Variants in ARHGEF18 observed in about 807,000 individuals in gnomAD.
The protein encoded by ARHGEF18 is Rho/Rac guanine nucleotide exchange factor 18.
ARHGEF18 carries 93 observed loss-of-function variants against 155.7 expected under a neutral mutation model. The observed-to-expected ratio is 0.60, with a 90% confidence interval of 0.50 to 0.71. ARHGEF18 has a LOEUF of 0.71. Ranked by LOEUF, ARHGEF18 falls within the 30% of genes least tolerant of loss-of-function variation. The pLI, the probability that ARHGEF18 is intolerant of heterozygous loss-of-function variation, is 0.00. For missense variants in ARHGEF18, 1,593 were observed against 1,816.1 expected (o/e 0.88, Z 2.23); for synonymous variants, 742 against 753.1 (o/e 0.99, Z 0.24).
At position 7,453,450 on chromosome 19, in the gene ARHGEF18, T is replaced by C. The variant is rs1459036615; in HGVS notation, c.1856-17T>C. ...TAAAGTGGAAAAGAAAGACGCTAAC[T>C]CTGCTATGTGTGGCAGCTGGCACTG... On this transcript the variant is annotated splice_polypyrimidine_tract_variant and intron_variant, in intron 16 of 28. Coordinates refer to ENST00000668164, the MANE Select transcript of ARHGEF18 (RefSeq NM_001367823.1). The C allele has an allele frequency of 5.7e-6, 9 of 1,576,004 alleles. No homozygotes were observed. The highest frequency in any genetic ancestry group is 1.7e-4 in the Middle Eastern group (1 of 5,914).
At position 7,441,728 on chromosome 19, in the gene ARHGEF18, C is replaced by A. The variant is rs886798314; in HGVS notation, c.1182C>A (p.Ser394=). 6.2e-7 allele frequency: 1 copy of A among 1,614,172 alleles called. No homozygotes were observed. The highest frequency in any genetic ancestry group is 1.1e-5 in the South Asian group (1 of 91,084). The change falls in exon 12 of 29, where the codon TCC becomes TCA. Residue 394 remains serine (S), a synonymous_variant. Transcript: ENST00000668164. ...AGCAGACAGCTGATGACTCTCTGTC[C>A]CTTACATCTCCAAACACCGAGTCCA... ...KFKQTADDSL[S]LTSPNTESIF...
chr19:7,478,227 T>G, the ARHGEF18 span: 1 of 1,415,552 alleles, frequency 7.1e-7, no homozygotes, highest in Admixed American at 2.0e-5. Flanking sequence ...GTCCCCAGCA[T>G]GGGCCTGCAC....
Position 7,408,438 on chromosome 19 carries a change from C to G in ARHGEF18, c.967+25235C>G, listed in dbSNP as rs185485864. Among the ~76,000 whole-genome samples, 1,081 of 144,642 alleles carry G rather than the reference C, an allele frequency of 7.5e-3. 15 individuals carry two copies. The highest frequency in any genetic ancestry group is 0.029 in the African/African-American group (985 of 34,362). 94.9% of individuals were successfully genotyped at this position (144,642 alleles called of 152,430 possible). ...TATTTACAAAAACAGGTGGCCAGCC[C>G]ACAGACAGTAGGGGTTCACCAGCCC... On this transcript the variant is annotated intron_variant, in intron 10 of 28. Coordinates refer to ENST00000668164, the MANE Select transcript of ARHGEF18 (RefSeq NM_001367823.1).
At chr19:7,415,397 G>A (rs1972945602) in intron 10 of ARHGEF18, among the ~76,000 whole-genome samples, 2 of 151,494 alleles carry the variant, frequency 1.3e-5, no homozygotes, top group African/African-American at 4.9e-5. Context: ...TCTCCACCCT[G>A]CCCTCGAGGT....
chr19:7,367,728 A>G (rs1258186150), intron 2 of ARHGEF18, among the ~76,000 whole-genome samples: 6 of 135,192 alleles, frequency 4.4e-5, no homozygotes, highest in Non-Finnish European at 9.4e-5. Context: ...CCTAGGCAAC[A>G]AGAGTGAAAC....
intron 3 of ARHGEF18, among the ~76,000 whole-genome samples, chr19:7,374,405 G>A (rs1488470516): frequency 5.3e-5 from 8 of 152,028 alleles, no homozygotes; most frequent in African/African-American, 1.4e-4. Flanking sequence ...GGCCGGGCGC[G>A]GTGGCTCACA....
At chr19:7,407,917 G>A (rs906209117) in intron 10 of ARHGEF18, among the ~76,000 whole-genome samples, 1 of 136,556 alleles carries the variant, frequency 7.3e-6, no homozygotes, top group Admixed American at 8.2e-5. Flanking sequence ...AGCCGAGACC[G>A]CGCCACTGCA....
chr19:7,450,833 C>T (rs796795717), intron 15 of ARHGEF18, among the ~76,000 whole-genome samples: 4 of 1,312 alleles, frequency 3.0e-3, no homozygotes, highest in East Asian at 0.031. Context: ...TCTTGCTGTC[C>T]GTTTCCGAGA....
downstream of ARHGEF18, among the ~76,000 whole-genome samples, chr19:7,476,157 A>T (rs935233741): frequency 2.0e-5 from 3 of 152,236 alleles, no homozygotes; most frequent in Non-Finnish European, 4.4e-5. Context: ...CAAAAAGTTT[A>T]AAAATTAGCT....
rs146962634 is a variant in ARHGEF18 at position 7,443,882 on chromosome 19, C to T, written c.1361-322C>T. The stretch of plus-strand genomic sequence containing the variant: ...TTTTGCCACTGCACTCCAGCCTGGG[C>T]GACAGAGCAAGACTCCATCTCAAAG... On this transcript the variant is annotated intron_variant, in intron 13 of 28. Coordinates refer to ENST00000668164, the MANE Select transcript of ARHGEF18 (RefSeq NM_001367823.1). Among the ~76,000 whole-genome samples, 257 of 149,954 alleles carry T rather than the reference C, an allele frequency of 1.7e-3. 1 individual carries two copies. The highest frequency in any genetic ancestry group is 4.5e-3 in the South Asian group (21 of 4,710).
At chr19:7,392,303 G>A (rs920824358) in intron 10 of ARHGEF18, among the ~76,000 whole-genome samples, 3 of 151,484 alleles carry the variant, frequency 2.0e-5, no homozygotes, top group African/African-American at 4.9e-5. Flanking sequence ...AAAGAAAGAT[G>A]GGAGATGTTT....
Position 7,470,763 on chromosome 19 carries a change from T to TA in ARHGEF18, c.*466dup. ...GCCGCGCGACAGTGGAGCCAAGGGT[T>TA]AGGGCACCAGGAGGGGCCAGGTGGC... On this transcript the variant is annotated 3_prime_UTR_variant, in exon 29 of 29. Coordinates refer to ENST00000668164, the MANE Select transcript of ARHGEF18 (RefSeq NM_001367823.1). The surrounding 1 kb of genome is among the most constrained non-coding windows in gnomAD (Gnocchi z 5.9). 1 of 401,010 alleles carries TA rather than the reference T, an allele frequency of 2.5e-6. No homozygotes were observed. Among genetic ancestry groups the TA allele is most frequent in the Non-Finnish European group, 4.4e-6 (1 of 226,188 alleles). The allele number at this position is 401,010 out of a possible 1,614,324, so 24.8% of individuals were successfully genotyped here.
rs1055445833 is a variant in ARHGEF18, at chr19:7,453,447, A to G, written c.1856-20A>G. On this transcript the variant is annotated intron_variant, in intron 16 of 28. Transcript: ENST00000668164. ...TGTTAAAGTGGAAAAGAAAGACGCTAACTCTGCTATGTGTGGCAGCTGGCA... is the reference window on the plus strand; with the variant it reads ...TGTTAAAGTGGAAAAGAAAGACGCTGACTCTGCTATGTGTGGCAGCTGGCA... 6.4e-6 allele frequency: 10 copies of G among 1,572,412 alleles called. No homozygotes were observed. Among genetic ancestry groups the G allele is most frequent in the Non-Finnish European group, 8.6e-6 (10 of 1,156,636 alleles).
rs979294287 is a variant in ARHGEF18 at position 7,383,157 on chromosome 19, C to T, written c.921C>T (p.Ser307=). 1.8e-5 allele frequency: 22 copies of T among 1,232,156 alleles called. No homozygotes were observed. Among genetic ancestry groups the T allele is most frequent in the Middle Eastern group, 3.1e-4 (1 of 3,232 alleles). The allele number at this position is 1,232,156 out of a possible 1,614,324, so 76.3% of individuals were successfully genotyped here. Residue 307 remains serine, a synonymous_variant, in exon 10 of 29, where the codon TCC becomes TCT. Transcript: ENST00000668164. ...NGHQLLQGTF[S]GPSSCPLCGK... is the part of the protein sequence containing the mutation. ...ACCAGCTGTTGCAAGGGACCTTCTCCGGCCCCTCCAGCTGCCCCCTGTGTG... is the reference window on the plus strand; with the variant it reads ...ACCAGCTGTTGCAAGGGACCTTCTCTGGCCCCTCCAGCTGCCCCCTGTGTG...
chr19:7,459,912 C>A lies in ARHGEF18; in HGVS notation c.2370C>A (p.Asp790Glu). 2.5e-6 allele frequency: 4 copies of A among 1,578,086 alleles called. No homozygotes were observed. The highest frequency in any genetic ancestry group is 1.7e-6 in the Non-Finnish European group (2 of 1,161,874). ...HIQRAVESCPDEEEGPFSLPE... is the reference protein window; with the variant it reads ...HIQRAVESCPEEEEGPFSLPE... The stretch of plus-strand genomic sequence containing the variant: ...ACTCCTCTCCCTGCAGCTGCCCTGA[C>A]GAGGAGGAGGGGCCCTTCAGCCTGC... The change falls in exon 20 of 29, where the codon GAC (aspartate) becomes GAA (glutamate). Residue 790 changes from aspartate to glutamate, a missense_variant. Asp to Glu is a conservative substitution (Grantham distance 45, BLOSUM62 2). Transcript: ENST00000668164.
At chr19:7,439,592 T>TTAAAAA in intron 10 of ARHGEF18, 1 of 816,476 alleles carries the variant, frequency 1.2e-6, no homozygotes. Flanking sequence ...CTGTTGATGT[T>TTAAAAA]GGGTTGGTTT....
intron 1 of ARHGEF18, chr19:7,355,587 G>A (rs58130577): frequency 2.0e-6 from 2 of 984,404 alleles, no homozygotes; most frequent in African/African-American, 3.5e-5. Flanking sequence ...GGATTCCCAG[G>A]CCAGCTCACA....
At chr19:7,450,750 C>A (rs77699353) in intron 15 of ARHGEF18, among the ~76,000 whole-genome samples, 1 of 1,118 alleles carries the variant, frequency 8.9e-4, no homozygotes, top group South Asian at 0.25. Flanking sequence ...GATGTTAATG[C>A]GGGATCTTGC....
At chr19:7,479,667 C>T in the ARHGEF18 span, among the ~76,000 whole-genome samples, 3 of 152,238 alleles carry the variant, frequency 2.0e-5, no homozygotes, top group Admixed American at 1.3e-4. Context: ...AAACCACATG[C>T]CCGAAACAAG....
Sources: gnomAD v4.1 joint callset for allele counts (sites outside exome capture counted in the v4.1 genomes callset) on GRCh38, gnomAD v4.1.1 for gene constraint, Gnocchi (gnomAD v3.1) non-coding constraint, MANE v1.5 for transcripts, NCBI Gene and HGNC (gene_info 2026-07-23, HGNC 2026-07-21) for gene names.